Variants in MFN1 observed in about 807,000 individuals in gnomAD.
MFN1 encodes mitofusin-1.
In MFN1, 65 loss-of-function variants were observed where a neutral mutation model predicts 92.4. The observed-to-expected ratio is 0.70, with a 90% confidence interval of 0.58 to 0.86. The LOEUF is 0.86. Ranked by LOEUF, MFN1 falls within the 40% of genes least tolerant of loss-of-function variation. The pLI, the probability that MFN1 is intolerant of heterozygous loss-of-function variation, is 0.00. For missense variants in MFN1, 781 were observed against 868.0 expected, an observed-to-expected ratio of 0.90 and a Z score of 1.26; for synonymous variants, 297 against 300.9, an observed-to-expected ratio of 0.99 and a Z score of 0.13.
chr3:179,385,117 G>T (rs1400945556), intron 14 of MFN1, among the ~76,000 whole-genome samples: 5 of 150,416 alleles, frequency 3.3e-5, no homozygotes, highest in African/African-American at 9.8e-5. Context: ...GTTTCACTGT[G>T]TTAGCCAGGA....
intron 14 of MFN1, among the ~76,000 whole-genome samples, chr3:179,379,813 A>G (rs1018673597): frequency 1.3e-5 from 2 of 152,236 alleles, no homozygotes; most frequent in African/African-American, 4.8e-5. Flanking sequence ...TGATGTTGGA[A>G]TGAACACCAT....
Position 179,378,803 on chromosome 3 carries a change from CCTAT to C in MFN1, c.1654_1657del (p.Ile552PhefsTer7). 3 of 1,610,722 alleles carry C rather than the reference CCTAT, an allele frequency of 1.9e-6. No homozygotes were observed. Among genetic ancestry groups the C allele is most frequent in the Non-Finnish European group, 2.5e-6 (3 of 1,177,226 alleles). On this transcript the variant is annotated frameshift_variant, in exon 14 of 18. Transcript: ENST00000471841. LOFTEE classifies it high-confidence loss of function. ...AAGGGTGCTCCTAGGATTATCAGAG[CCTAT>C]CTTTCAGGTATGTATCTTTGAATCT...
At chr3:179,351,377 TTCTCTG>T (rs1237130510) in intron 2 of MFN1, among the ~76,000 whole-genome samples, 1 of 152,182 alleles carries the variant, frequency 6.6e-6, no homozygotes, top group African/African-American at 2.4e-5. Flanking sequence ...ATTCTCTTTC[TTCTCTG>T]TCTTTGTGTT....
At chr3:179,364,628 C>T (rs1455261846) in intron 6 of MFN1, among the ~76,000 whole-genome samples, 1 of 152,126 alleles carries the variant, frequency 6.6e-6, no homozygotes, top group East Asian at 1.9e-4. Context: ...CTTGATGGTT[C>T]TAGCTTCTGG....
intron 11 of MFN1, 26 bp from the exon 12 acceptor site, chr3:179,377,318 T>C: frequency 1.3e-6 from 2 of 1,557,712 alleles, no homozygotes. Flanking sequence ...TTAATTATTT[T>C]AACTCCAAAA....
Position 179,352,007 on chromosome 3 carries a change from A to T in MFN1, c.220A>T (p.Arg74Ter). ...LSIIGEVLSR[R>*]HMKVAFFGRT... ...CATCATTGGTGAGGTGCTATCTCGGAGACACATGAAGGTGGCATTTTTTGG... is the reference window on the plus strand; with the variant it reads ...CATCATTGGTGAGGTGCTATCTCGGTGACACATGAAGGTGGCATTTTTTGG... Residue 74 changes from arginine to a stop codon, truncating the protein, a stop_gained, in exon 3 of 18, where the codon AGA becomes TGA. Coordinates refer to ENST00000471841, the MANE Select transcript of MFN1 (RefSeq NM_033540.3). LOFTEE classifies it high-confidence loss of function. 1 of 1,601,424 alleles carries T rather than the reference A, an allele frequency of 6.2e-7. No individual in the cohort carries two copies. Among genetic ancestry groups the T allele is most frequent in the Non-Finnish European group, 8.5e-7 (1 of 1,171,106 alleles).
At chr3:179,348,793 C>T (rs1347819234) in intron 1 of MFN1, 52 bp from the exon 2 acceptor site, 12 of 1,582,400 alleles carry the variant, frequency 7.6e-6, no homozygotes, top group Non-Finnish European at 1.0e-5. Flanking sequence ...CATCAGTTTG[C>T]ATGTCTATCA....
Position 179,386,577 on chromosome 3 carries a change from C to G in MFN1, c.1960C>G (p.Leu654Val). The G allele has an allele frequency of 6.2e-7, 1 of 1,614,070 alleles. No homozygotes were observed. The highest frequency in any genetic ancestry group is 1.3e-5 in the African/African-American group (1 of 75,030). ...QQFVNYATEK[L>V]RMIVSSTSAN... is the part of the protein sequence containing the mutation. ...GTTTGTAAACTATGCAACTGAAAAA[C>G]TGAGGATGATTGTTAGCTCCACGAG... The change falls in exon 16 of 18, where the codon CTG becomes GTG. Residue 654 changes from leucine (L) to valine (V), a missense_variant. Physicochemically the swap from Leu to Val is conservative, Grantham distance 32 (BLOSUM62 1). Transcript: ENST00000471841.
At chr3:179,358,077 A>G (rs1445071548) in intron 3 of MFN1, among the ~76,000 whole-genome samples, 2 of 151,334 alleles carry the variant, frequency 1.3e-5, no homozygotes, top group Non-Finnish European at 2.9e-5. Context: ...CATATATTCC[A>G]GGGAACAAGA....
intron 9 of MFN1, among the ~76,000 whole-genome samples, chr3:179,369,510 A>C (rs753617093): frequency 2.0e-5 from 3 of 152,194 alleles, no homozygotes; most frequent in African/African-American, 4.8e-5. Flanking sequence ...ATGTTCTGTT[A>C]CACATTTATA....
intron 3 of MFN1, among the ~76,000 whole-genome samples, chr3:179,355,206 A>G (rs1712303246): frequency 6.6e-6 from 1 of 152,152 alleles, no homozygotes; most frequent in Non-Finnish European, 1.5e-5. Context: ...AGCAGTGAGG[A>G]CGACCAGAGG....
intron 16 of MFN1, 25 bp downstream of exon 16, chr3:179,386,654 T>C: frequency 1.3e-6 from 2 of 1,568,906 alleles, no homozygotes. Context: ...GCATCTTTCC[T>C]TTAAAAAAAA....
intron 5 of MFN1, among the ~76,000 whole-genome samples, chr3:179,363,134 C>G (rs1300779515): frequency 6.6e-6 from 1 of 152,148 alleles, no homozygotes; most frequent in Non-Finnish European, 1.5e-5. Flanking sequence ...GACAGAGTCT[C>G]ACTCTGTCAC....
At chr3:179,349,156 T>C (rs1273753404) in intron 2 of MFN1, among the ~76,000 whole-genome samples, 193 bp downstream of exon 2, 1 of 152,196 alleles carries the variant, frequency 6.6e-6, no homozygotes, top group Non-Finnish European at 1.5e-5. Context: ...CTAAGAACTT[T>C]AGTATATTAA....
intron 5 of MFN1, 49 bp from the exon 6 acceptor site, chr3:179,364,248 A>C: frequency 2.3e-6 from 3 of 1,326,142 alleles, no homozygotes; most frequent in Non-Finnish European, 3.0e-6. Flanking sequence ...CTGTAACCCA[A>C]ATTTTCTTTT....
At chr3:179,351,057 G>A (rs1712127856) in intron 2 of MFN1, among the ~76,000 whole-genome samples, 1 of 152,062 alleles carries the variant, frequency 6.6e-6, no homozygotes, top group African/African-American at 2.4e-5. Context: ...TGCCCACTTC[G>A]GCCTCCCAAA....
rs1181075475 is a variant in MFN1 at position 179,393,289 on chromosome 3, A to T, written c.*1230A>T. On this transcript the variant is annotated 3_prime_UTR_variant, in exon 18 of 18. Coordinates refer to ENST00000471841, the MANE Select transcript of MFN1 (RefSeq NM_033540.3). ...TGACACCATTCTAGGAATTTGCTAGACAAAATGTAGGACTACCAGATCAGT... is the reference window on the plus strand; with the variant it reads ...TGACACCATTCTAGGAATTTGCTAGTCAAAATGTAGGACTACCAGATCAGT... The T allele has an allele frequency of 6.6e-6, 1 of 152,240 alleles. No individual in the cohort carries two copies. The highest frequency in any genetic ancestry group is 1.5e-5 in the Non-Finnish European group (1 of 68,034). 9.4% of individuals were successfully genotyped at this position (152,240 alleles called of 1,614,324 possible).
rs1713750510 is a variant in MFN1 at position 179,387,818 on chromosome 3, T to C, written c.2012+1189T>C. Among the ~76,000 whole-genome samples, 3 of 149,162 alleles carry C rather than the reference T, an allele frequency of 2.0e-5. No homozygotes were observed. In the South Asian group the frequency reaches 6.4e-4, roughly 32 times the overall value. ...ATCTCGGCTCACCACAACCTCCGCCTCCCAGGTTCAAGCAATTCTCCTGCT... is the reference window on the plus strand; with the variant it reads ...ATCTCGGCTCACCACAACCTCCGCCCCCCAGGTTCAAGCAATTCTCCTGCT... On this transcript the variant is annotated intron_variant, in intron 16 of 17. Transcript: ENST00000471841.
rs1713691403 is a variant in MFN1 at position 179,386,539 on chromosome 3, C to A, written c.1922C>A (p.Ala641Asp). ...TGGACCACCCATGCCAAGGAGCGAG[C>A]CTTTAAACAGCAGTTTGTAAACTAT... is the stretch of plus-strand genomic sequence containing the variant. ...LSWTTHAKER[A>D]FKQQFVNYAT... Residue 641 changes from alanine (A) to aspartate (D), a missense_variant, in exon 16 of 18, where the codon GCC becomes GAC. By Grantham distance (126) the Ala-to-Asp change is moderately radical. Coordinates refer to ENST00000471841, the MANE Select transcript of MFN1 (RefSeq NM_033540.3). 1 of 1,613,988 alleles carries A rather than the reference C, an allele frequency of 6.2e-7. No individual in the cohort carries two copies.
Sources: gnomAD v4.1 joint callset for allele counts (sites outside exome capture counted in the v4.1 genomes callset) on GRCh38, gnomAD v4.1.1 for gene constraint, MANE v1.5 for transcripts, NCBI Gene and HGNC (gene_info 2026-07-23, HGNC 2026-07-21) for gene names.